Variants in MAGI2 observed in about 807,000 individuals in gnomAD.
MAGI2 encodes the protein membrane-associated guanylate kinase, WW and PDZ domain-containing protein 2.
Under a neutral mutation model 133.3 loss-of-function variants are expected in MAGI2, and 35 were observed. The ratio of observed to expected loss-of-function variants is 0.26; its 90% CI spans 0.20 to 0.35. The LOEUF is 0.35. MAGI2 is among the 10% of genes least tolerant of loss of function. The probability of loss-of-function intolerance (pLI) is 1.00; values close to 1 mark genes in which losing one functional copy is unlikely to be tolerated. For synonymous variants in MAGI2, 729 were observed against 710.6 expected, an observed-to-expected ratio of 1.03 and a Z score of -0.41; for missense variants, 1,636 against 1,863.4, an observed-to-expected ratio of 0.88 and a Z score of 2.25.
At chr7:78,140,272 C>T (rs1822611991) in intron 16 of MAGI2, among the ~76,000 whole-genome samples, 1 of 152,144 alleles carries the variant, frequency 6.6e-6, no homozygotes, top group African/African-American at 2.4e-5. Context: ...TTATTAGATC[C>T]CCCCTTCTCT....
chr7:79,058,855 G>C (rs1177360873), intron 1 of MAGI2, among the ~76,000 whole-genome samples: 1 of 151,954 alleles, frequency 6.6e-6, no homozygotes, highest in East Asian at 1.9e-4. Context: ...GGCACCCCTG[G>C]GTAAATTACT....
chr7:78,753,608 C>G (rs914531559), intron 2 of MAGI2, among the ~76,000 whole-genome samples: 4 of 151,958 alleles, frequency 2.6e-5, no homozygotes, highest in African/African-American at 9.7e-5. Context: ...GTTCCAGTAT[C>G]TCAGGAAACT....
chr7:78,604,404 TG>T (rs1432622598), intron 3 of MAGI2, among the ~76,000 whole-genome samples: 2 of 152,188 alleles, frequency 1.3e-5, no homozygotes, highest in East Asian at 3.9e-4. Flanking sequence ...TGAAGTGGTT[TG>T]CCCGTCCTTT....
intron 20 of MAGI2, among the ~76,000 whole-genome samples, chr7:78,101,208 G>A (rs1168255316): frequency 2.0e-5 from 3 of 152,136 alleles, no homozygotes; most frequent in African/African-American, 7.2e-5. Flanking sequence ...GAAAATCCTG[G>A]AATTTGCATA....
At chr7:79,081,327 T>C (rs73703625) in intron 1 of MAGI2, among the ~76,000 whole-genome samples, 6,386 of 152,260 alleles carry the variant, frequency 0.042, 427 homozygotes, top group African/African-American at 0.14. Flanking sequence ...CAAATTCTCC[T>C]AGGAGGGATT....
intron 1 of MAGI2, among the ~76,000 whole-genome samples, chr7:79,389,756 G>A (rs181646160): frequency 6.0e-5 from 9 of 150,958 alleles, no homozygotes; most frequent in African/African-American, 2.2e-4. Context: ...GGTAGGGGAA[G>A]GGGAGAAATG....
At chr7:79,345,043 A>G (rs1222807588) in intron 1 of MAGI2, among the ~76,000 whole-genome samples, 2 of 152,092 alleles carry the variant, frequency 1.3e-5, no homozygotes, top group Non-Finnish European at 2.9e-5. Context: ...TATTTAATAC[A>G]TATTGTTATG....
chr7:78,042,769 G>A lies in MAGI2; in HGVS notation c.3707-22793C>T, dbSNP rs141845109. ...CTTCTGGAGGTGCTCTGAAGGCCTC[G>A]GACTGGACTGAATCTCTTGGAATTA... On this transcript the variant is annotated intron_variant, in intron 21 of 21. Coordinates refer to ENST00000354212, the MANE Select transcript of MAGI2 (RefSeq NM_012301.4). Among the ~76,000 whole-genome samples the A allele has an allele frequency of 3.4e-3, 525 of 152,266 alleles. 3 individuals carry two copies. Among genetic ancestry groups the A allele is most frequent in the African/African-American group, 0.011 (470 of 41,554 alleles).
intron 4 of MAGI2, among the ~76,000 whole-genome samples, chr7:78,514,677 G>A (rs17150934): frequency 0.023 from 3,497 of 152,262 alleles, 74 homozygotes; most frequent in East Asian, 0.068. Context: ...ATTATTCACA[G>A]GAAAACAGCG....
chr7:79,195,376 A>G (rs1007251971), intron 1 of MAGI2, among the ~76,000 whole-genome samples: 3 of 152,036 alleles, frequency 2.0e-5, no homozygotes, highest in Non-Finnish European at 2.9e-5. Flanking sequence ...CTTCCTAGTC[A>G]CAAGGTATTA....
At chr7:78,121,153 A>G (rs1301833157) in intron 20 of MAGI2, among the ~76,000 whole-genome samples, 2 of 151,944 alleles carry the variant, frequency 1.3e-5, no homozygotes, top group Non-Finnish European at 2.9e-5. Flanking sequence ...CAACTTTTAG[A>G]AGAAGATATA....
chr7:78,133,964 A>G (rs1821832425), intron 17 of MAGI2: 1 of 151,386 alleles, frequency 6.6e-6, no homozygotes, highest in Non-Finnish European at 1.5e-5. Flanking sequence ...CTCCATTTAT[A>G]TCAGGGTTTC....
intron 19 of MAGI2, 86 bp downstream of exon 19, chr7:78,127,111 C>A: frequency 3.6e-6 from 4 of 1,100,372 alleles, no homozygotes; most frequent in Non-Finnish European, 5.2e-6. Flanking sequence ...CAGACAGGTA[C>A]TCTTTCCTCT....
At chr7:78,589,013 G>A (rs1803707835) in intron 3 of MAGI2, among the ~76,000 whole-genome samples, 2 of 152,206 alleles carry the variant, frequency 1.3e-5, no homozygotes, top group African/African-American at 4.8e-5. Context: ...GCTCAGTCCA[G>A]AAGGCCACAC....
chr7:79,450,150 C>A (rs1376740797), intron 1 of MAGI2, among the ~76,000 whole-genome samples: 2 of 151,764 alleles, frequency 1.3e-5, no homozygotes, highest in Admixed American at 6.6e-5. Context: ...AATGAATATT[C>A]AAAAATCAGT....
rs571314830 is a variant in MAGI2, at chr7:78,503,920, C to G, written c.755-2133G>C. ...ATGTGGAACTGTAGGTCAATTAAAC[C>G]TCTTTCCTTTATAAATTACCCAGTC... On this transcript the variant is annotated intron_variant, in intron 4 of 21. Coordinates refer to ENST00000354212, the MANE Select transcript of MAGI2 (RefSeq NM_012301.4). 2.0e-3 allele frequency among the ~76,000 whole-genome samples: 306 copies of G among 150,018 alleles called. 1 individual carries two copies. The highest frequency in any genetic ancestry group is 7.2e-3 in the African/African-American group (295 of 40,846).
intron 3 of MAGI2, among the ~76,000 whole-genome samples, chr7:78,573,267 T>TAA (rs1801822671): frequency 4.4e-5 from 1 of 22,956 alleles, no homozygotes; most frequent in Non-Finnish European, 7.0e-5. Flanking sequence ...AATATAAATA[T>TAA]ATATAAATAT....
intron 1 of MAGI2, among the ~76,000 whole-genome samples, chr7:79,146,758 C>T (rs531341501): frequency 2.0e-5 from 3 of 152,300 alleles, no homozygotes; most frequent in Non-Finnish European, 4.4e-5. Flanking sequence ...TGCATTAAAC[C>T]TATTTCCTTT....
chr7:78,472,519 C>T lies in MAGI2; in HGVS notation c.1045+17242G>A, dbSNP rs150809973. Among the ~76,000 whole-genome samples, 258 of 152,168 alleles carry T rather than the reference C, an allele frequency of 1.7e-3. 1 individual carries two copies. The highest frequency in any genetic ancestry group is 6.2e-3 in the South Asian group (30 of 4,818). On this transcript the variant is annotated intron_variant, in intron 6 of 21. Coordinates refer to ENST00000354212, the MANE Select transcript of MAGI2 (RefSeq NM_012301.4). ...ATAAGAAAAAAATTTAAGGATTGCA[C>T]ATTGCCCTTGAAGAAAGCTAAGCAT...
Sources: allele counts gnomAD v4.1 joint callset (sites outside exome capture counted in the v4.1 genomes callset), GRCh38; gene constraint gnomAD v4.1.1; transcripts MANE v1.5; gene names NCBI Gene and HGNC (gene_info 2026-07-23, HGNC 2026-07-21).